MALRD1: variants seen among roughly 807,000 people sequenced by gnomAD.
MALRD1 encodes MAM and LDL receptor class A domain containing 1.
A neutral mutation model predicts 242.1 loss-of-function variants in MALRD1; 247 were observed. The ratio of observed to expected loss-of-function variants is 1.02; its 90% CI spans 0.92 to 1.13. MALRD1 has a LOEUF of 1.13. MALRD1 is among the 50% of genes most tolerant of loss of function. The probability of loss-of-function intolerance (pLI) is 0.00; values close to 1 mark genes in which losing one functional copy is unlikely to be tolerated. For missense variants in MALRD1, 2,989 were observed against 2,533.1 expected (o/e 1.18, Z -3.86); for synonymous variants, 995 against 866.6 (o/e 1.15, Z -2.60).
At position 19,209,348 on chromosome 10, in the gene MALRD1, A is replaced by C; in HGVS notation, c.2659A>C (p.Ser887Arg). The change falls in exon 18 of 40, where the codon AGC becomes CGC. Residue 887 changes from serine to arginine, a missense_variant. Ser to Arg is a moderately radical substitution (Grantham distance 110). Transcript: ENST00000454679. Reference protein sequence around the residue: ...DAKDDFDWTRSQGPTPTLNTG... With the variant: ...DAKDDFDWTRRQGPTPTLNTG... ...AAAAGATGACTTTGATTGGACCAGG[A>C]GCCAGGGTCCAACTCCAACACTTAA... is the stretch of plus-strand genomic sequence containing the variant. The C allele has an allele frequency of 6.4e-7, 1 of 1,550,782 alleles. No homozygotes were observed. Among genetic ancestry groups the C allele is most frequent in the Non-Finnish European group, 8.7e-7 (1 of 1,147,002 alleles).
chr10:19,197,015 G>T (rs1836292921), intron 14 of MALRD1, among the ~76,000 whole-genome samples: 1 of 152,146 alleles, frequency 6.6e-6, no homozygotes, highest in Non-Finnish European at 1.5e-5. Flanking sequence ...TTGACTCACG[G>T]CTCTGCATGG....
rs76376372 is a variant in MALRD1 at position 19,220,449 on chromosome 10, A to G, written c.2991+10769A>G. 0.015 allele frequency among the ~76,000 whole-genome samples: 2,285 copies of G among 152,256 alleles called. 103 individuals carry two copies. In the East Asian group the frequency reaches 0.18, roughly 12 times the overall value. On this transcript the variant is annotated intron_variant, in intron 18 of 39. Transcript: ENST00000454679. ...ATATTACAGACCTTCCAAAAGTATA[A>G]TTTCTTACATGAACGTCCAGGTATA...
At position 19,209,526 on chromosome 10, in the gene MALRD1, A is replaced by G; in HGVS notation, c.2837A>G (p.Tyr946Cys). The G allele has an allele frequency of 3.9e-6, 6 of 1,550,752 alleles. No homozygotes were observed. The highest frequency in any genetic ancestry group is 5.2e-6 in the Non-Finnish European group (6 of 1,147,018). The change falls in exon 18 of 40, where the codon TAT becomes TGT. Residue 946 changes from tyrosine to cysteine, a missense_variant. By Grantham distance (194) the Tyr-to-Cys change is radical. Coordinates refer to ENST00000454679, the MANE Select transcript of MALRD1 (RefSeq NM_001142308.3). Reference sequence around the variant, plus strand: ...ACAAAAGGCTGCACCTTCCGCTTCTATTACCACATGTTTGGAAAGCGCATT... The same window carrying G: ...ACAAAAGGCTGCACCTTCCGCTTCTGTTACCACATGTTTGGAAAGCGCATT... ...TDTKGCTFRF[Y>C]YHMFGKRIYR... is the part of the protein sequence containing the mutation.
At chr10:19,667,594 ACTCTCT>A (rs140483883) in intron 36 of MALRD1, among the ~76,000 whole-genome samples, 1 of 139,804 alleles carries the variant, frequency 7.2e-6, no homozygotes, top group Admixed American at 7.1e-5. Context: ...CCTCCCTGCC[ACTCTCT>A]CTCTCTCTCT....
intron 36 of MALRD1, among the ~76,000 whole-genome samples, chr10:19,616,318 A>T (rs1245839635): frequency 1.6e-4 from 25 of 151,916 alleles, no homozygotes; most frequent in Non-Finnish European, 7.4e-5. Context: ...TTAACAAAGG[A>T]TGAAATTAAT....
intron 4 of MALRD1, among the ~76,000 whole-genome samples, chr10:19,100,851 T>C (rs59380868): frequency 0.036 from 5,479 of 152,208 alleles, 294 homozygotes; most frequent in African/African-American, 0.12. Flanking sequence ...AGTTAACACT[T>C]ACTTCTACTT....
intron 26 of MALRD1, among the ~76,000 whole-genome samples, chr10:19,357,469 T>A (rs1400586462): frequency 6.6e-6 from 1 of 152,192 alleles, no homozygotes; most frequent in Non-Finnish European, 1.5e-5. Flanking sequence ...ACCTTGTTTA[T>A]TTGCATTTTA....
At chr10:19,332,956 G>A (rs1414627766) in intron 24 of MALRD1, among the ~76,000 whole-genome samples, 1 of 152,058 alleles carries the variant, frequency 6.6e-6, no homozygotes, top group African/African-American at 2.4e-5. Context: ...CACATGCCAT[G>A]GTTGTTTGCT....
intron 32 of MALRD1, among the ~76,000 whole-genome samples, chr10:19,550,856 T>C (rs1250135277): frequency 6.6e-6 from 1 of 152,198 alleles, no homozygotes; most frequent in East Asian, 1.9e-4. Flanking sequence ...TTGGGCGGTA[T>C]ATACCCCATA....
At chr10:19,324,777 C>A (rs1378241234) in intron 22 of MALRD1, among the ~76,000 whole-genome samples, 1 of 151,784 alleles carries the variant, frequency 6.6e-6, no homozygotes, top group Non-Finnish European at 1.5e-5. Flanking sequence ...ATAGCCAAGT[C>A]ATTTTGTAAA....
chr10:19,698,065 C>G (rs1306116008), intron 38 of MALRD1, among the ~76,000 whole-genome samples: 1 of 152,138 alleles, frequency 6.6e-6, no homozygotes, highest in African/African-American at 2.4e-5. Context: ...TTCCAAGCTC[C>G]AGATCCATAC....
intron 19 of MALRD1, among the ~76,000 whole-genome samples, chr10:19,266,855 A>T (rs1186779314): frequency 3.9e-5 from 6 of 152,026 alleles, no homozygotes; most frequent in African/African-American, 1.4e-4. Flanking sequence ...GTGAGGAATG[A>T]TGACAAAGTT....
chr10:19,707,145 C>A (rs1048388114), intron 38 of MALRD1, among the ~76,000 whole-genome samples: 1 of 151,084 alleles, frequency 6.6e-6, no homozygotes, highest in Non-Finnish European at 1.5e-5. Flanking sequence ...TCCTTCTCCT[C>A]CTCATCCTCC....
chr10:19,171,602 A>G (rs1834949292), intron 13 of MALRD1, among the ~76,000 whole-genome samples: 2 of 120,474 alleles, frequency 1.7e-5, no homozygotes, highest in Admixed American at 9.0e-5. Context: ...GTATATAAAT[A>G]CACACACACA....
At chr10:19,464,478 A>G (rs769341123) in intron 29 of MALRD1, among the ~76,000 whole-genome samples, 4 of 152,010 alleles carry the variant, frequency 2.6e-5, no homozygotes, top group African/African-American at 7.2e-5. Flanking sequence ...TCCTTTCTCT[A>G]ATTTATGTTT....
intron 14 of MALRD1, among the ~76,000 whole-genome samples, chr10:19,179,594 G>A (rs990200859): frequency 2.0e-5 from 3 of 151,938 alleles, no homozygotes; most frequent in African/African-American, 7.3e-5. Context: ...TTACAGCCTG[G>A]GTGACAGAGA....
At chr10:19,049,931 G>A (rs1208747125) in intron 1 of MALRD1, among the ~76,000 whole-genome samples, 2 of 152,092 alleles carry the variant, frequency 1.3e-5, no homozygotes, top group African/African-American at 4.8e-5. Context: ...ATGGAGACTA[G>A]TGTCATTCTT....
chr10:19,454,431 T>TATATATATAA lies in MALRD1; in HGVS notation c.5029+3942_5029+3943insTATATATAAA, dbSNP rs1011890675. 7.5e-4 allele frequency among the ~76,000 whole-genome samples: 103 copies of TATATATATAA among 136,536 alleles called. 2 individuals carry two copies. Among genetic ancestry groups the TATATATATAA allele is most frequent in the Non-Finnish European group, 1.1e-3 (68 of 63,446 alleles). 89.6% of individuals were successfully genotyped at this position (136,536 alleles called of 152,430 possible). A position where few individuals can be genotyped will look rare whatever the true frequency, so the allele number is the denominator to read the frequency against. ...ATATATATATATATATATATATATATAATTATATGATACATACATATAAAT... is the reference window on the plus strand; with the variant it reads ...ATATATATATATATATATATATATATATATATATAAAATTATATGATACATACATATAAAT... On this transcript the variant is annotated intron_variant, in intron 29 of 39. Transcript: ENST00000454679.
In MALRD1 at chr10:19,157,670, C is replaced by T. The variant is rs149273220; in HGVS notation, c.1656+2498C>T. Among the ~76,000 whole-genome samples, 4 of 152,256 alleles carry T rather than the reference C, an allele frequency of 2.6e-5. No individual in the cohort carries two copies. The East Asian group carries it at 7.7e-4, about 29-fold the overall frequency. ...TATTGATAATAGTGCTTTCATGGAA[C>T]CAATGTTCTTCATTATAAGGTAGTA... On this transcript the variant is annotated intron_variant, in intron 12 of 39. Transcript: ENST00000454679.
Sources: allele counts gnomAD v4.1 joint callset (sites outside exome capture counted in the v4.1 genomes callset), GRCh38; gene constraint gnomAD v4.1.1; transcripts MANE v1.5; gene names NCBI Gene and HGNC (gene_info 2026-07-23, HGNC 2026-07-21).